The following SYN2 variants were observed in gnomAD, a reference collection of about 807,000 sequenced individuals.
The protein encoded by SYN2 is synapsin-2.
A neutral mutation model predicts 50.9 loss-of-function variants in SYN2; 19 were observed. The ratio of observed to expected loss-of-function variants is 0.37; its 90% CI spans 0.26 to 0.55. The LOEUF (loss-of-function observed/expected upper bound fraction) is 0.55, where lower values mean the gene tolerates loss of function less well. Among genes scored for constraint, SYN2 ranks in the 20% least tolerant of loss-of-function variants. SYN2 has a pLI of 0.81. For synonymous variants in SYN2, 255 were observed against 224.9 expected (o/e 1.13, Z -1.20); for missense variants, 587 against 576.4 (o/e 1.02, Z -0.19).
chr3:12,018,621 G>A (rs190293232), intron 1 of SYN2, among the ~76,000 whole-genome samples: 10 of 152,280 alleles, frequency 6.6e-5, no homozygotes, highest in South Asian at 2.1e-4. Context: ...AATGAACAGC[G>A]CCATGAAGAG....
intron 1 of SYN2, among the ~76,000 whole-genome samples, chr3:12,097,301 G>C (rs56193598): frequency 0.031 from 4,652 of 152,260 alleles, 224 homozygotes; most frequent in African/African-American, 0.1. Flanking sequence ...TGATAGACTG[G>C]ATTAAGAAAA....
intron 9 of SYN2, among the ~76,000 whole-genome samples, chr3:12,169,548 T>C (rs9844367): frequency 0.11 from 17,415 of 152,066 alleles, 2,069 homozygotes; most frequent in African/African-American, 0.3. Context: ...CGGGTAAAGC[T>C]TGGGGAAAAG....
In SYN2 at chr3:12,151,302, A is replaced by C. The variant is rs779208045; in HGVS notation, c.750A>C (p.Thr250=). 7.4e-6 allele frequency: 12 copies of C among 1,613,320 alleles called. No individual in the cohort carries two copies. The highest frequency in any genetic ancestry group is 1.0e-5 in the Non-Finnish European group (12 of 1,179,700). The part of the protein sequence containing the change: ...GGEKFPLIEQ[T]YYPNHKEMLT... ...AAAAGTTCCCTCTCATTGAACAGAC[A>C]TACTACCCCAACCACAAAGAGATGG... Residue 250 remains threonine, a synonymous_variant, in exon 5 of 13, where the codon ACA becomes ACC. Transcript: ENST00000621198.
At chr3:12,189,962 CAA>C (rs1203964702) in intron 12 of SYN2, among the ~76,000 whole-genome samples, 1 of 152,178 alleles carries the variant, frequency 6.6e-6, no homozygotes, top group Non-Finnish European at 1.5e-5. Flanking sequence ...GATGAGAACC[CAA>C]AGAGAGGCAC....
chr3:12,151,062 A>T (rs1206013177), intron 4 of SYN2, among the ~76,000 whole-genome samples, 175 bp from the exon 5 acceptor site: 2 of 152,208 alleles, frequency 1.3e-5, no homozygotes, highest in Non-Finnish European at 2.9e-5. Flanking sequence ...CCCTTCCCCA[A>T]CTAATGCGTA....
intron 1 of SYN2, among the ~76,000 whole-genome samples, chr3:12,089,722 A>G (rs1052050322): frequency 8.5e-5 from 13 of 152,292 alleles, no homozygotes; most frequent in African/African-American, 2.9e-4. Context: ...GTGTTATAGC[A>G]GCCTCTAGGG....
chr3:12,017,071 A>T (rs1666082095), intron 1 of SYN2, among the ~76,000 whole-genome samples: 1 of 152,114 alleles, frequency 6.6e-6, no homozygotes, highest in Admixed American at 6.5e-5. Context: ...TTGATGGAAG[A>T]ATGGGATTTA....
intron 10 of SYN2, among the ~76,000 whole-genome samples, chr3:12,176,516 C>G (rs1368007141): frequency 6.6e-6 from 1 of 152,144 alleles, no homozygotes; most frequent in East Asian, 1.9e-4. Context: ...GGGAATGATT[C>G]TAAGACTTAT....
chr3:12,091,579 T>G (rs1695829379), intron 1 of SYN2, among the ~76,000 whole-genome samples: 1 of 152,184 alleles, frequency 6.6e-6, no homozygotes, highest in Non-Finnish European at 1.5e-5. Flanking sequence ...GCAGAAGAGC[T>G]AGGATTTGAA....
At chr3:12,157,167 C>G (rs1176215469) in intron 5 of SYN2, among the ~76,000 whole-genome samples, 1 of 152,164 alleles carries the variant, frequency 6.6e-6, no homozygotes, top group African/African-American at 2.4e-5. Flanking sequence ...GCACCATACA[C>G]CAGCAGCTGT....
intron 5 of SYN2, chr3:12,153,441 C>G: frequency 6.4e-7 from 1 of 1,566,214 alleles, no homozygotes; most frequent in Non-Finnish European, 8.8e-7. Context: ...TGGTAATGGC[C>G]AAAGCTCTGC....
intron 5 of SYN2, chr3:12,158,673 G>A (rs762199389): frequency 1.2e-6 from 2 of 1,608,248 alleles, no homozygotes; most frequent in South Asian, 1.1e-5. Context: ...ACCACCCCCT[G>A]CTGTGGACCT....
At chr3:12,079,771 T>G (rs1695548895) in intron 1 of SYN2, among the ~76,000 whole-genome samples, 1 of 152,154 alleles carries the variant, frequency 6.6e-6, no homozygotes, top group African/African-American at 2.4e-5. Flanking sequence ...TTTCTTTTTT[T>G]GTTGTTTCTC....
At chr3:12,109,276 G>A (rs573001563) in intron 1 of SYN2, among the ~76,000 whole-genome samples, 1 of 152,254 alleles carries the variant, frequency 6.6e-6, no homozygotes, top group Admixed American at 6.5e-5. Flanking sequence ...GAGCTATGTT[G>A]TATTGGACAA....
intron 1 of SYN2, among the ~76,000 whole-genome samples, chr3:12,088,122 G>A (rs1695750763): frequency 6.6e-6 from 1 of 152,124 alleles, no homozygotes; most frequent in African/African-American, 2.4e-5. Context: ...AGAGTGAAGA[G>A]ACAACCACGG....
At chr3:12,037,350 T>C (rs1694520448) in intron 1 of SYN2, among the ~76,000 whole-genome samples, 1 of 152,242 alleles carries the variant, frequency 6.6e-6, no homozygotes, top group Non-Finnish European at 1.5e-5. Flanking sequence ...GTATTTGTTA[T>C]AGCAACAGCC....
intron 1 of SYN2, among the ~76,000 whole-genome samples, chr3:12,026,733 C>CT (rs1212330894): frequency 7.9e-5 from 12 of 152,118 alleles, no homozygotes; most frequent in African/African-American, 2.9e-4. Flanking sequence ...GATCACTGAG[C>CT]CACTTTGTAA....
intron 1 of SYN2, among the ~76,000 whole-genome samples, chr3:12,044,865 T>C (rs1408793208): frequency 2.6e-5 from 4 of 152,220 alleles, no homozygotes; most frequent in Non-Finnish European, 5.9e-5. Flanking sequence ...AGTACAATTG[T>C]GTGCTACATA....
At chr3:12,189,975 G>A (rs564368588) in intron 12 of SYN2, among the ~76,000 whole-genome samples, 32 of 152,304 alleles carry the variant, frequency 2.1e-4, no homozygotes, top group African/African-American at 7.0e-4. Context: ...AGAGAGGCAC[G>A]TGGCTTGCCT....
Sources: gnomAD v4.1 joint callset for allele counts (sites outside exome capture counted in the v4.1 genomes callset) on GRCh38, gnomAD v4.1.1 for gene constraint, MANE v1.5 for transcripts, NCBI Gene and HGNC (gene_info 2026-07-23, HGNC 2026-07-21) for gene names.